The following ARSB variants were observed in gnomAD, a reference collection of about 807,000 sequenced individuals.
ARSB encodes arylsulfatase B, also known as N-acetylgalactosamine-4-sulfatase.
ARSB carries 41 observed loss-of-function variants against 50.9 expected under a neutral mutation model. The observed-to-expected ratio is 0.81, with a 90% CI of 0.63 to 1.04. The LOEUF is 1.04. ARSB is among the 50% of genes least tolerant of loss of function. The probability of loss-of-function intolerance (pLI) is 0.00; values close to 1 mark genes in which losing one functional copy is unlikely to be tolerated. For missense variants in ARSB, 672 were observed against 693.3 expected, an observed-to-expected ratio of 0.97 and a Z score of 0.35; for synonymous variants, 269 against 284.8, an observed-to-expected ratio of 0.94 and a Z score of 0.56.
intron 4 of ARSB, among the ~76,000 whole-genome samples, chr5:78,913,280 T>A (rs934504183): frequency 5.3e-5 from 8 of 152,098 alleles, no homozygotes; most frequent in South Asian, 4.2e-4. Context: ...GCCCGCCACC[T>A]CGCCCGGCTA....
At chr5:78,959,757 A>G (rs1370943336) in intron 3 of ARSB, among the ~76,000 whole-genome samples, 1 of 152,252 alleles carries the variant, frequency 6.6e-6, no homozygotes, top group Non-Finnish European at 1.5e-5. Context: ...CCCCAACAGT[A>G]GTAAATGTGA....
intron 4 of ARSB, among the ~76,000 whole-genome samples, chr5:78,913,886 A>G (rs955509863): frequency 1.3e-5 from 2 of 152,064 alleles, no homozygotes; most frequent in Admixed American, 1.3e-4. Flanking sequence ...AATTTTCACT[A>G]TAAAAGGTTA....
intron 4 of ARSB, among the ~76,000 whole-genome samples, chr5:78,935,400 A>G (rs78540910): frequency 0.013 from 1,917 of 152,324 alleles, 41 homozygotes; most frequent in African/African-American, 0.043. Flanking sequence ...ATGCTCATTA[A>G]CAGACTATTG....
intron 3 of ARSB, among the ~76,000 whole-genome samples, chr5:78,957,713 C>T (rs552017321): frequency 2.2e-4 from 33 of 152,130 alleles, no homozygotes; most frequent in Non-Finnish European, 4.4e-4. Flanking sequence ...CGTCTATGTT[C>T]GTGTAGACCA....
rs151336095 is a variant in ARSB, at chr5:78,876,281, G to T, written c.1142+9303C>A. 1.1e-3 allele frequency among the ~76,000 whole-genome samples: 175 copies of T among 152,286 alleles called. 1 individual carries two copies. The highest frequency in any genetic ancestry group is 9.4e-3 in the East Asian group (49 of 5,188). ...GCAAAAAGCTGGGTCTGTACTGATA[G>T]ATTGAATTTAAAACACTTGAAAGTG... On this transcript the variant is annotated intron_variant, in intron 5 of 7. Coordinates refer to ENST00000264914, the MANE Select transcript of ARSB (RefSeq NM_000046.5).
At position 78,879,736 on chromosome 5, in the gene ARSB, C is replaced by T. The variant is rs188302618; in HGVS notation, c.1142+5848G>A. 3.2e-3 allele frequency among the ~76,000 whole-genome samples: 491 copies of T among 152,306 alleles called. 1 individual carries two copies. The highest frequency in any genetic ancestry group is 5.3e-3 in the Non-Finnish European group (358 of 68,032). ...CACAACAGACGTCAATGTGACTGGGCGATTTCTGTATCAGCAGGCAGGGGT... is the reference window on the plus strand; with the variant it reads ...CACAACAGACGTCAATGTGACTGGGTGATTTCTGTATCAGCAGGCAGGGGT... On this transcript the variant is annotated intron_variant, in intron 5 of 7. Coordinates refer to ENST00000264914, the MANE Select transcript of ARSB (RefSeq NM_000046.5).
intron 4 of ARSB, among the ~76,000 whole-genome samples, chr5:78,945,235 C>T (rs924360394): frequency 4.6e-5 from 7 of 152,184 alleles, no homozygotes; most frequent in African/African-American, 1.2e-4. Flanking sequence ...CCGGGTGAGG[C>T]GATGCCTCGC....
At chr5:78,871,613 A>C (rs1747181194) in intron 5 of ARSB, among the ~76,000 whole-genome samples, 1 of 145,666 alleles carries the variant, frequency 6.9e-6, no homozygotes, top group Non-Finnish European at 1.5e-5. Flanking sequence ...GGCTAGCCAT[A>C]TGTAGAAAGC....
intron 6 of ARSB, among the ~76,000 whole-genome samples, chr5:78,812,054 C>T (rs755000938): frequency 1.3e-5 from 2 of 152,114 alleles, no homozygotes; most frequent in Non-Finnish European, 2.9e-5. Context: ...AGAAAAAGTG[C>T]CACATCCTTG....
intron 6 of ARSB, among the ~76,000 whole-genome samples, chr5:78,830,459 G>T (rs1027226153): frequency 6.6e-6 from 1 of 152,184 alleles, no homozygotes; most frequent in African/African-American, 2.4e-5. Context: ...TTGGGGCAGC[G>T]GGATTTGCCA....
At chr5:78,937,457 TAATG>T (rs1370562079) in intron 4 of ARSB, among the ~76,000 whole-genome samples, 1 of 145,564 alleles carries the variant, frequency 6.9e-6, no homozygotes, top group Non-Finnish European at 1.5e-5. Context: ...CTTATATATA[TAATG>T]AATATATATA....
At chr5:78,861,969 T>C (rs1397111848) in intron 5 of ARSB, among the ~76,000 whole-genome samples, 1 of 152,062 alleles carries the variant, frequency 6.6e-6, no homozygotes, top group Admixed American at 6.5e-5. Context: ...TATACACAAA[T>C]AACAGACAAA....
At chr5:78,924,889 T>C (rs1419671769) in intron 4 of ARSB, among the ~76,000 whole-genome samples, 1 of 152,176 alleles carries the variant, frequency 6.6e-6, no homozygotes. Context: ...CCAAAATGTG[T>C]CTCTTACTCT....
intron 6 of ARSB, among the ~76,000 whole-genome samples, chr5:78,838,882 G>GT (rs1339960416): frequency 6.6e-6 from 1 of 152,232 alleles, no homozygotes; most frequent in Non-Finnish European, 1.5e-5. Context: ...AGTCACACTT[G>GT]TGACACCCAG....
chr5:78,967,564 T>C (rs1404744492), intron 2 of ARSB, among the ~76,000 whole-genome samples: 1 of 151,428 alleles, frequency 6.6e-6, no homozygotes, highest in Non-Finnish European at 1.5e-5. Flanking sequence ...TCCCAGCTAC[T>C]CAGGAGGCTG....
At chr5:78,839,586 C>T (rs2111984938) in intron 5 of ARSB, among the ~76,000 whole-genome samples, 160 bp from the exon 6 acceptor site, 1 of 152,314 alleles carries the variant, frequency 6.6e-6, no homozygotes, top group South Asian at 2.1e-4. Flanking sequence ...GGTGCATCTT[C>T]AAGCAGTCAT....
intron 6 of ARSB, among the ~76,000 whole-genome samples, chr5:78,826,280 T>C (rs1009586398): frequency 1.3e-5 from 2 of 152,076 alleles, no homozygotes; most frequent in African/African-American, 2.4e-5. Context: ...CCCCTGACCT[T>C]GTGATCTGCT....
At chr5:78,839,011 G>A (rs1163652569) in intron 6 of ARSB, among the ~76,000 whole-genome samples, 1 of 152,198 alleles carries the variant, frequency 6.6e-6, no homozygotes, top group Admixed American at 6.5e-5. Context: ...GGAGCTCTCA[G>A]GTAAGAACAG....
chr5:78,975,222 C>T (rs1215581775), intron 1 of ARSB, among the ~76,000 whole-genome samples: 2 of 152,204 alleles, frequency 1.3e-5, no homozygotes, highest in South Asian at 2.1e-4. Flanking sequence ...ACAGTGAGGG[C>T]GAGGAGGACA....
Sources: gnomAD v4.1 joint callset for allele counts (sites outside exome capture counted in the v4.1 genomes callset) on GRCh38, gnomAD v4.1.1 for gene constraint, MANE v1.5 for transcripts, NCBI Gene and HGNC (gene_info 2026-07-23, HGNC 2026-07-21) for gene names.